Variants in HIF3A observed in about 807,000 individuals in gnomAD.
HIF3A encodes hypoxia inducible factor 3 subunit alpha.
In HIF3A, 41 loss-of-function variants were observed where a neutral mutation model predicts 67.2. The ratio of observed to expected loss-of-function variants is 0.61; its 90% CI spans 0.48 to 0.79. The LOEUF (loss-of-function observed/expected upper bound fraction) is 0.79. Among genes scored for constraint, HIF3A ranks in the 30% least tolerant of loss-of-function variants. HIF3A has a pLI of 0.00. For missense variants in HIF3A, 855 were observed against 898.0 expected (o/e 0.95, Z 0.61); for synonymous variants, 356 against 374.8 (o/e 0.95, Z 0.58).
intron 11 of HIF3A, among the ~76,000 whole-genome samples, chr19:46,328,534 C>T (rs562563925): frequency 2.6e-5 from 4 of 152,268 alleles, no homozygotes; most frequent in African/African-American, 7.2e-5. Context: ...GCTGGATCAC[C>T]TCGTGTATTT....
At chr19:46,311,014 G>A (rs929915918) in intron 6 of HIF3A, among the ~76,000 whole-genome samples, 2 of 152,160 alleles carry the variant, frequency 1.3e-5, no homozygotes, top group African/African-American at 2.4e-5. Context: ...GCCTCCCAAA[G>A]TGCTGGGATT....
In HIF3A at chr19:46,308,243, T is replaced by C. The variant is rs748494651; in HGVS notation, c.386T>C (p.Ile129Thr). The C allele has an allele frequency of 2.5e-6, 4 of 1,613,748 alleles. No individual in the cohort carries two copies. The highest frequency in any genetic ancestry group is 2.5e-6 in the Non-Finnish European group (3 of 1,179,824). The change falls in exon 4 of 15, where the codon ATC becomes ACC. Residue 129 changes from isoleucine (I) to threonine (T), a missense_variant. By Grantham distance (89) the Ile-to-Thr change is moderately conservative. Coordinates refer to ENST00000377670, the MANE Select transcript of HIF3A (RefSeq NM_152795.4). ...LSQLELIGHS[I>T]FDFIHPCDQE... ...CAGCTGGAGCTCATTGGACACAGCA[T>C]CTTTGATTTCATCCACCCCTGTGAC...
intron 13 of HIF3A, among the ~76,000 whole-genome samples, chr19:46,332,856 C>A (rs1971335380): frequency 6.6e-6 from 1 of 151,900 alleles, no homozygotes. Context: ...TAGGTGCACA[C>A]CTATAGTGCC....
chr19:46,341,445 C>T lies in HIF3A; in HGVS notation c.*1823C>T, dbSNP rs1027886808. On this transcript the variant is annotated 3_prime_UTR_variant, in exon 15 of 15. Coordinates refer to ENST00000377670, the MANE Select transcript of HIF3A (RefSeq NM_152795.4). ...GAACTCCCGACCTCAACTGATCCAC[C>T]CGCCTCAGCCTCCCAAAGTGCTGAA... The T allele has an allele frequency of 3.9e-5, 6 of 152,008 alleles. No individual in the cohort carries two copies. Among genetic ancestry groups the T allele is most frequent in the African/African-American group, 1.4e-4 (6 of 41,380 alleles). The allele number at this position is 152,008 out of a possible 1,614,324, so 9.4% of individuals were successfully genotyped here. A position where few individuals can be genotyped will look rare whatever the true frequency, so the allele number is the denominator to read the frequency against.
At chr19:46,302,458 C>G (rs1031041802) in intron 1 of HIF3A, among the ~76,000 whole-genome samples, 1 of 150,476 alleles carries the variant, frequency 6.6e-6, no homozygotes, top group African/African-American at 2.5e-5. Flanking sequence ...AGAGACGGAG[C>G]CTTGCTGTGT....
chr19:46,309,288 G>T lies in HIF3A; in HGVS notation c.699G>T (p.Glu233Asp). 1 of 1,613,580 alleles carries T rather than the reference G, an allele frequency of 6.2e-7. No individual in the cohort carries two copies. The highest frequency in any genetic ancestry group is 8.5e-7 in the Non-Finnish European group (1 of 1,179,850). Residue 233 changes from glutamate (E) to aspartate (D), a missense_variant, in exon 6 of 15, where the codon GAG becomes GAT. Around this residue, in one of 3 missense-constraint regions of HIF3A, gnomAD observed 638 missense variants for 660.5 expected, o/e 0.97. Coordinates refer to ENST00000377670, the MANE Select transcript of HIF3A (RefSeq NM_152795.4). Reference sequence around the variant, plus strand: ...CCATCCCCCACCCAGGCAGCCTGGAGCCCCCACTGGGCCGAGGGGCCTTCC... The same window carrying T: ...CCATCCCCCACCCAGGCAGCCTGGATCCCCCACTGGGCCGAGGGGCCTTCC... ...CEAIPHPGSL[E>D]PPLGRGAFLS...
At chr19:46,300,713 A>T (rs1227928576) in intron 1 of HIF3A, among the ~76,000 whole-genome samples, 1 of 152,294 alleles carries the variant, frequency 6.6e-6, no homozygotes, top group East Asian at 1.9e-4. Context: ...TGTAAGTAGT[A>T]GCTTATAAGT....
chr19:46,320,801 C>T (rs1352887152), intron 9 of HIF3A, among the ~76,000 whole-genome samples: 1 of 152,228 alleles, frequency 6.6e-6, no homozygotes, highest in African/African-American at 2.4e-5. Flanking sequence ...TCCTCCCTCC[C>T]CTTCTGTGGC....
intron 14 of HIF3A, among the ~76,000 whole-genome samples, chr19:46,337,477 C>T (rs929746479): frequency 2.4e-4 from 36 of 152,280 alleles, no homozygotes; most frequent in African/African-American, 7.5e-4. Flanking sequence ...CTATGTTGCT[C>T]AGGCTGGTCT....
intron 7 of HIF3A, 50 bp downstream of exon 7, chr19:46,312,317 A>G: frequency 1.2e-6 from 2 of 1,613,198 alleles, no homozygotes; most frequent in Non-Finnish European, 1.7e-6. Flanking sequence ...CATGGCCCCC[A>G]GCTGACACCA....
intron 13 of HIF3A, among the ~76,000 whole-genome samples, chr19:46,333,050 A>G (rs896334693): frequency 4.6e-5 from 7 of 151,706 alleles, no homozygotes; most frequent in African/African-American, 1.7e-4. Flanking sequence ...ATATGTATAT[A>G]TGTGTATATA....
chr19:46,325,538 G>A lies in HIF3A; in HGVS notation c.1339G>A (p.Asp447Asn), dbSNP rs761943284. 5.0e-6 allele frequency: 8 copies of A among 1,611,164 alleles called. No homozygotes were observed. In the South Asian group the frequency reaches 7.7e-5, roughly 15 times the overall value. The change falls in exon 11 of 15, where the codon GAT becomes AAT. Residue 447 changes from aspartate to asparagine, a missense_variant. By Grantham distance (23) the Asp-to-Asn change is conservative. Coordinates refer to ENST00000377670, the MANE Select transcript of HIF3A (RefSeq NM_152795.4). ...TTTCTACTCCATCTCTCCACAGGCT[G>A]ATCTCCCAGATGAACTACCTGTGGG... ...TRHPQSPLSA[D>N]LPDELPVGTE...
chr19:46,317,167 C>T (rs961382696), intron 8 of HIF3A, among the ~76,000 whole-genome samples: 2 of 151,990 alleles, frequency 1.3e-5, no homozygotes, highest in South Asian at 4.2e-4. Flanking sequence ...GCGACCCACC[C>T]GCCTCGGCTT....
chr19:46,334,831 C>T, intron 13 of HIF3A, 74 bp from the exon 14 acceptor site: 3 of 1,270,058 alleles, frequency 2.4e-6, no homozygotes, highest in South Asian at 1.3e-5. Context: ...GCTGGGATTA[C>T]AGTCACCACT....
Position 46,303,987 on chromosome 19 carries a change from A to G in HIF3A, c.116A>G (p.His39Arg), listed in dbSNP as rs926576266. 6.2e-7 allele frequency: 1 copy of G among 1,601,264 alleles called. No homozygotes were observed. Among genetic ancestry groups the G allele is most frequent in the Non-Finnish European group, 8.5e-7 (1 of 1,174,778 alleles). ...QETEVLYQLA[H>R]TLPFARGVSA... is the part of the protein sequence containing the mutation. ...ACCGAGGTGCTGTACCAGCTGGCTC[A>G]CACGCTGCCCTTCGCCCGCGGCGTC... The change falls in exon 2 of 15, where the codon CAC becomes CGC. Residue 39 changes from histidine to arginine, a missense_variant. His to Arg is a conservative substitution (Grantham distance 29). Coordinates refer to ENST00000377670, the MANE Select transcript of HIF3A (RefSeq NM_152795.4).
chr19:46,304,045 C>G lies in HIF3A; in HGVS notation c.174C>G (p.Arg58=), dbSNP rs116420807. ...SAHLDKASIM[R]LTISYLRMHR... ...ACCTGGACAAGGCCTCTATCATGCG[C>G]CTCACCATCAGCTACCTGCGCATGC... The change falls in exon 2 of 15, where the codon CGC becomes CGG. Residue 58 remains arginine, a synonymous_variant. Transcript: ENST00000377670. The G allele has an allele frequency of 6.9e-6, 11 of 1,587,020 alleles. No homozygotes were observed. In the East Asian group the frequency reaches 2.3e-4, roughly 33 times the overall value.
At chr19:46,331,784 A>G (rs913237207) in intron 13 of HIF3A, among the ~76,000 whole-genome samples, 1 of 150,504 alleles carries the variant, frequency 6.6e-6, no homozygotes, top group Non-Finnish European at 1.5e-5. Flanking sequence ...GAACCCAGGA[A>G]CAGAAGATTG....
chr19:46,307,677 G>A (rs1968980314), intron 3 of HIF3A, among the ~76,000 whole-genome samples: 1 of 151,812 alleles, frequency 6.6e-6, no homozygotes, highest in African/African-American at 2.4e-5. Flanking sequence ...GAACCAGGGA[G>A]GTGGAGGTTG....
rs376800821 is a variant in HIF3A, at chr19:46,309,132, C to T, written c.562-19C>T. 1 of 1,603,422 alleles carries T rather than the reference C, an allele frequency of 6.2e-7. No individual in the cohort carries two copies. Among genetic ancestry groups the T allele is most frequent in the Non-Finnish European group, 8.5e-7 (1 of 1,172,244 alleles). ...GGCCCAGAGGCACCACTGCCTTGTC[C>T]CCTCATCTCGGCCCCCAGGTGCTGA... On this transcript the variant is annotated intron_variant, in intron 5 of 14. Transcript: ENST00000377670.
Sources: allele counts gnomAD v4.1 joint callset (sites outside exome capture counted in the v4.1 genomes callset), GRCh38; gene constraint gnomAD v4.1.1; regional missense constraint gnomAD v4.1.1; transcripts MANE v1.5; gene names NCBI Gene and HGNC (gene_info 2026-07-23, HGNC 2026-07-21).